ITFG1: variants seen among roughly 807,000 people sequenced by gnomAD.
The protein encoded by ITFG1 is T-cell immunomodulatory protein.
ITFG1 carries 34 observed loss-of-function variants against 81.8 expected under a neutral mutation model. The ratio of observed to expected loss-of-function variants is 0.42; its 90% CI spans 0.32 to 0.55. ITFG1 has a LOEUF of 0.55. Ranked by LOEUF, ITFG1 falls within the 20% of genes least tolerant of loss-of-function variation. The probability of loss-of-function intolerance (pLI) is 0.17; values close to 1 mark genes in which losing one functional copy is unlikely to be tolerated. For missense variants in ITFG1, 672 were observed against 755.4 expected, an observed-to-expected ratio of 0.89 and a Z score of 1.29; for synonymous variants, 285 against 270.6, an observed-to-expected ratio of 1.05 and a Z score of -0.52.
chr16:47,180,965 C>T (rs987007992), intron 14 of ITFG1, among the ~76,000 whole-genome samples: 2 of 147,574 alleles, frequency 1.4e-5, no homozygotes, highest in Non-Finnish European at 3.0e-5. Flanking sequence ...CGCCCATCAT[C>T]TGGGATGTGA....
intron 8 of ITFG1, among the ~76,000 whole-genome samples, chr16:47,314,193 T>C (rs1278307816): frequency 6.6e-6 from 1 of 152,120 alleles, no homozygotes; most frequent in East Asian, 1.9e-4. Flanking sequence ...GTTGAAATTA[T>C]AAAAAGAAAA....
At chr16:47,308,828 C>T (rs1222831562) in intron 10 of ITFG1, among the ~76,000 whole-genome samples, 3 of 152,064 alleles carry the variant, frequency 2.0e-5, no homozygotes, top group African/African-American at 7.2e-5. Flanking sequence ...CCGATAAGAG[C>T]CCAGTGGAAG....
intron 5 of ITFG1, among the ~76,000 whole-genome samples, chr16:47,437,913 C>G (rs1327364755): frequency 6.6e-6 from 1 of 152,208 alleles, no homozygotes; most frequent in African/African-American, 2.4e-5. Context: ...CGCAAGGGGT[C>G]AGGGAATTCC....
At chr16:47,324,538 T>G (rs1967500879) in intron 8 of ITFG1, among the ~76,000 whole-genome samples, 1 of 152,166 alleles carries the variant, frequency 6.6e-6, no homozygotes, top group African/African-American at 2.4e-5. Context: ...AGGCACGGAC[T>G]GGCAAATTGG....
At chr16:47,243,371 CTTATT>C (rs1471575639) in intron 12 of ITFG1, among the ~76,000 whole-genome samples, 3 of 152,056 alleles carry the variant, frequency 2.0e-5, no homozygotes, top group Non-Finnish European at 4.4e-5. Flanking sequence ...ATCTGCATTA[CTTATT>C]TTAAAAACAA....
intron 14 of ITFG1, among the ~76,000 whole-genome samples, chr16:47,188,254 C>T (rs1160003411): frequency 6.6e-6 from 1 of 152,076 alleles, no homozygotes; most frequent in East Asian, 1.9e-4. Context: ...CCAGCCGTCC[C>T]ATTACTGGGT....
At chr16:47,285,466 A>C (rs900592612) in intron 10 of ITFG1, among the ~76,000 whole-genome samples, 6 of 152,136 alleles carry the variant, frequency 3.9e-5, no homozygotes, top group African/African-American at 1.4e-4. Flanking sequence ...ACTCATACCA[A>C]AGGAGGGGGT....
intron 8 of ITFG1, among the ~76,000 whole-genome samples, chr16:47,319,230 G>A (rs1967411268): frequency 6.6e-6 from 1 of 152,128 alleles, no homozygotes; most frequent in Non-Finnish European, 1.5e-5. Flanking sequence ...CATCACAAAA[G>A]TCTTTAGATG....
chr16:47,344,602 AATCT>A (rs774617634), intron 8 of ITFG1, among the ~76,000 whole-genome samples: 2 of 152,216 alleles, frequency 1.3e-5, no homozygotes, highest in Non-Finnish European at 1.5e-5. Context: ...GTCATCCACC[AATCT>A]ATTTTTAGTT....
At chr16:47,194,583 T>C (rs1965333319) in intron 14 of ITFG1, among the ~76,000 whole-genome samples, 1 of 152,200 alleles carries the variant, frequency 6.6e-6, no homozygotes, top group African/African-American at 2.4e-5. Context: ...CATCTTGTTC[T>C]CTAGCGCTGC....
At chr16:47,252,212 AATT>A in intron 12 of ITFG1, among the ~76,000 whole-genome samples, 1 of 152,324 alleles carries the variant, frequency 6.6e-6, no homozygotes, top group African/African-American at 2.4e-5. Context: ...TATGGTTGTG[AATT>A]ATTAAGAAAG....
Position 47,155,651 on chromosome 16 carries a change from TCAAGCCAGAA to T in ITFG1, c.*58_*67del. On this transcript the variant is annotated 3_prime_UTR_variant, in exon 18 of 18. Coordinates refer to ENST00000320640, the MANE Select transcript of ITFG1 (RefSeq NM_030790.5). Reference sequence around the variant, plus strand: ...ATAATATTTAATCTCCCCTATTTTTTCAAGCCAGAATTTGTGTTTCAACTAATCAAGTGAA... The same window carrying T: ...ATAATATTTAATCTCCCCTATTTTTTTTTGTGTTTCAACTAATCAAGTGAA... 3 of 1,024,940 alleles carry T rather than the reference TCAAGCCAGAA, an allele frequency of 2.9e-6. No homozygotes were observed. Among genetic ancestry groups the T allele is most frequent in the Admixed American group, 4.5e-5 (2 of 44,406 alleles). 63.5% of individuals were successfully genotyped at this position (1,024,940 alleles called of 1,614,324 possible).
intron 6 of ITFG1, among the ~76,000 whole-genome samples, chr16:47,418,993 TATAATG>T (rs1968907509): frequency 2.0e-5 from 3 of 152,212 alleles, no homozygotes. Context: ...AATATGGTCA[TATAATG>T]ATAATAATTC....
intron 2 of ITFG1, among the ~76,000 whole-genome samples, chr16:47,455,789 A>C (rs1969444754): frequency 6.6e-6 from 1 of 151,132 alleles, no homozygotes; most frequent in Non-Finnish European, 1.5e-5. Context: ...AAAAAAAAAA[A>C]AAAAAAAAAA....
chr16:47,389,329 T>C (rs1968502293), intron 6 of ITFG1, among the ~76,000 whole-genome samples: 1 of 152,122 alleles, frequency 6.6e-6, no homozygotes, highest in South Asian at 2.1e-4. Context: ...GATTTAAAAA[T>C]GCAACTGTAA....
At chr16:47,336,895 G>A (rs779620903) in intron 8 of ITFG1, among the ~76,000 whole-genome samples, 7 of 151,692 alleles carry the variant, frequency 4.6e-5, no homozygotes, top group South Asian at 2.1e-4. Flanking sequence ...CCCAGGAGGC[G>A]GAGGTTGCAG....
At chr16:47,353,129 C>T (rs1374430409) in intron 8 of ITFG1, among the ~76,000 whole-genome samples, 2 of 151,838 alleles carry the variant, frequency 1.3e-5, no homozygotes, top group Admixed American at 6.6e-5. Context: ...TTAATGGGTG[C>T]AGCACACCAA....
At chr16:47,355,598 T>TAC (rs751575842) in intron 8 of ITFG1, among the ~76,000 whole-genome samples, 5 of 152,314 alleles carry the variant, frequency 3.3e-5, no homozygotes, top group Admixed American at 1.3e-4. Flanking sequence ...ATTTGAACGT[T>TAC]ACACAATGTA....
chr16:47,368,933 C>T (rs2151588169), intron 7 of ITFG1, among the ~76,000 whole-genome samples: 1 of 152,268 alleles, frequency 6.6e-6, no homozygotes, highest in Admixed American at 6.5e-5. Flanking sequence ...GTAAGCAGAA[C>T]ACATTAGACA....
Sources: allele counts gnomAD v4.1 joint callset (sites outside exome capture counted in the v4.1 genomes callset), GRCh38; gene constraint gnomAD v4.1.1; transcripts MANE v1.5; gene names NCBI Gene and HGNC (gene_info 2026-07-23, HGNC 2026-07-21).